ESR1: variants seen among roughly 807,000 people sequenced by gnomAD.
The protein encoded by ESR1 is estrogen receptor 1.
Under a neutral mutation model 52.7 loss-of-function variants are expected in ESR1, and 12 were observed. The ratio of observed to expected loss-of-function variants is 0.23; its 90% CI spans 0.15 to 0.37. The LOEUF is 0.37. Among genes scored for constraint, ESR1 ranks in the 10% least tolerant of loss-of-function variants. The probability of loss-of-function intolerance (pLI) is 1.00; values close to 1 mark genes in which losing one functional copy is unlikely to be tolerated. For missense variants in ESR1, 584 were observed against 779.7 expected (o/e 0.75, Z 2.99); for synonymous variants, 305 against 316.8 (o/e 0.96, Z 0.39).
intron 5 of ESR1, among the ~76,000 whole-genome samples, chr6:152,020,082 T>C (rs1329074154): frequency 6.6e-6 from 1 of 152,202 alleles, no homozygotes; most frequent in Non-Finnish European, 1.5e-5. Flanking sequence ...CCTCTCATCA[T>C]TCGCATCTAG....
intron 1 of ESR1, among the ~76,000 whole-genome samples, chr6:151,659,603 G>A (rs1331560709): frequency 6.6e-6 from 1 of 152,164 alleles, no homozygotes; most frequent in African/African-American, 2.4e-5. Flanking sequence ...CATGAAAGAA[G>A]GTTCCACTCC....
chr6:151,912,179 G>A (rs1304887586), intron 3 of ESR1, among the ~76,000 whole-genome samples: 2 of 152,080 alleles, frequency 1.3e-5, no homozygotes, highest in East Asian at 3.9e-4. Context: ...AAGGAGAGAA[G>A]GCAGAATATA....
At chr6:151,785,439 C>A (rs1447376260) in intron 2 of ESR1, among the ~76,000 whole-genome samples, 2 of 152,146 alleles carry the variant, frequency 1.3e-5, no homozygotes, top group Non-Finnish European at 2.9e-5. Flanking sequence ...TAAGGGTATA[C>A]CTCTGTTATT....
intron 2 of ESR1, among the ~76,000 whole-genome samples, chr6:151,750,772 C>T (rs2128077286): frequency 6.6e-6 from 1 of 152,018 alleles, no homozygotes; most frequent in East Asian, 1.9e-4. Context: ...TTCTGAAAAC[C>T]AGGCTTAATT....
intron 1 of ESR1, chr6:151,811,193 G>C (rs907722744): frequency 6.6e-6 from 1 of 152,166 alleles, no homozygotes; most frequent in South Asian, 2.1e-4. Context: ...GCATAATAAT[G>C]TGAGAAAGAT....
intron 4 of ESR1, among the ~76,000 whole-genome samples, chr6:151,996,939 A>G (rs2041540000): frequency 6.6e-6 from 1 of 152,078 alleles, no homozygotes; most frequent in African/African-American, 2.4e-5. Context: ...GACAAAGGAG[A>G]TTTGAGTGAC....
At chr6:151,729,900 C>T (rs563975776) in intron 2 of ESR1, among the ~76,000 whole-genome samples, 16 of 151,960 alleles carry the variant, frequency 1.1e-4, no homozygotes, top group South Asian at 2.1e-4. Context: ...TCAGCCTGGG[C>T]AACATAGTGA....
At chr6:151,935,424 G>A (rs2034243054) in intron 3 of ESR1, among the ~76,000 whole-genome samples, 1 of 152,248 alleles carries the variant, frequency 6.6e-6, no homozygotes, top group African/African-American at 2.4e-5. Flanking sequence ...CAGCCTGGCA[G>A]GAGCCACTGC....
In ESR1 at chr6:152,010,016, C is replaced by T. The variant is rs552374962; in HGVS notation, c.1097-1640C>T. On this transcript the variant is annotated intron_variant, in intron 4 of 7. Coordinates refer to ENST00000206249, the MANE Select transcript of ESR1 (RefSeq NM_000125.4). ...AAGAGACTGTTAGGAGCTGAATTAG[C>T]GGGTTAACAGTGGCAATGAAAAAGG... Among the ~76,000 whole-genome samples the T allele has an allele frequency of 4.6e-5, 7 of 152,072 alleles. No homozygotes were observed. The South Asian group carries it at 6.2e-4, about 14-fold the overall frequency.
At chr6:152,034,096 A>C (rs1183506384) in intron 5 of ESR1, among the ~76,000 whole-genome samples, 3 of 143,118 alleles carry the variant, frequency 2.1e-5, no homozygotes, top group Non-Finnish European at 3.0e-5. Context: ...AACAATGAGA[A>C]CACGTGGACA....
At chr6:152,027,280 A>C (rs1584886063) in intron 5 of ESR1, among the ~76,000 whole-genome samples, 2 of 151,990 alleles carry the variant, frequency 1.3e-5, no homozygotes. Context: ...TCTTATTTTT[A>C]TTACTTATAT....
chr6:151,756,602 C>T (rs977914880), intron 2 of ESR1, among the ~76,000 whole-genome samples: 6 of 152,186 alleles, frequency 3.9e-5, no homozygotes, highest in African/African-American at 1.4e-4. Flanking sequence ...TTGTCCAATG[C>T]TCTATTTCCA....
chr6:151,676,251 C>T (rs1778248508), intron 1 of ESR1, among the ~76,000 whole-genome samples: 2 of 152,126 alleles, frequency 1.3e-5, no homozygotes, highest in African/African-American at 4.8e-5. Context: ...TGAGCCAGGT[C>T]CATACTTGGT....
intron 6 of ESR1, among the ~76,000 whole-genome samples, chr6:152,092,621 T>G (rs2050276604): frequency 6.6e-6 from 1 of 152,182 alleles, no homozygotes; most frequent in Non-Finnish European, 1.5e-5. Flanking sequence ...AATAGTGGTA[T>G]GACCAAAAAG....
At chr6:151,858,964 G>A (rs1053492854) in intron 2 of ESR1, among the ~76,000 whole-genome samples, 8 of 152,226 alleles carry the variant, frequency 5.3e-5, no homozygotes, top group African/African-American at 1.9e-4. Flanking sequence ...GGGGTGAACT[G>A]TTATTAAAAG....
intron 5 of ESR1, among the ~76,000 whole-genome samples, chr6:152,034,063 T>G (rs556066807): frequency 1.5e-3 from 228 of 149,648 alleles, no homozygotes; most frequent in African/African-American, 5.5e-3. Flanking sequence ...ACACCACATG[T>G]TCTCACTCAT....
At chr6:151,883,974 A>G (rs1793403585) in intron 3 of ESR1, among the ~76,000 whole-genome samples, 1 of 152,138 alleles carries the variant, frequency 6.6e-6, no homozygotes, top group African/African-American at 2.4e-5. Context: ...ATACAGTCAC[A>G]TTCTGAGGCC....
At chr6:151,922,931 C>A (rs2128466147) in intron 3 of ESR1, among the ~76,000 whole-genome samples, 1 of 152,314 alleles carries the variant, frequency 6.6e-6, no homozygotes, top group Middle Eastern at 3.4e-3. Flanking sequence ...CCTGCAACAG[C>A]ATGGAACATT....
At chr6:152,059,300 A>G (rs1260008062) in intron 5 of ESR1, among the ~76,000 whole-genome samples, 4 of 152,110 alleles carry the variant, frequency 2.6e-5, no homozygotes, top group East Asian at 3.9e-4. Context: ...TATGTTGTAT[A>G]TATTTATATG....
Sources: gnomAD v4.1 joint callset for allele counts (sites outside exome capture counted in the v4.1 genomes callset) on GRCh38, gnomAD v4.1.1 for gene constraint, MANE v1.5 for transcripts, NCBI Gene and HGNC (gene_info 2026-07-23, HGNC 2026-07-21) for gene names.